The following WDR25 variants were observed in gnomAD, a reference collection of about 807,000 sequenced individuals.
WDR25 encodes the protein WD repeat-containing protein 25.
In WDR25, 35 loss-of-function variants were observed where a neutral mutation model predicts 47.7. The ratio of observed to expected loss-of-function variants is 0.73; its 90% CI spans 0.56 to 0.97. The LOEUF is 0.97. Ranked by LOEUF, WDR25 falls within the 50% of genes least tolerant of loss-of-function variation. The pLI, the probability that WDR25 is intolerant of heterozygous loss-of-function variation, is 0.00. For synonymous variants in WDR25, 248 were observed against 278.9 expected (o/e 0.89, Z 1.10); for missense variants, 634 against 704.7 (o/e 0.90, Z 1.14).
At chr14:100,450,385 C>T (rs752564531) in intron 2 of WDR25, among the ~76,000 whole-genome samples, 29 of 152,216 alleles carry the variant, frequency 1.9e-4, no homozygotes, top group Non-Finnish European at 1.3e-4. Context: ...ATTGTCATCT[C>T]CTAGAGCCAG....
intron 4 of WDR25, among the ~76,000 whole-genome samples, chr14:100,522,852 G>T (rs1205842461): frequency 1.3e-5 from 2 of 152,318 alleles, no homozygotes; most frequent in East Asian, 3.9e-4. Flanking sequence ...GCCAGGAGAG[G>T]CCCCACCCAC....
Position 100,381,396 on chromosome 14 carries a change from G to A in WDR25, c.472G>A (p.Gly158Ser). 1.2e-6 allele frequency: 2 copies of A among 1,614,202 alleles called. No individual in the cohort carries two copies. The highest frequency in any genetic ancestry group is 2.2e-5 in the South Asian group (2 of 91,088). The change falls in exon 2 of 7, where the codon GGT becomes AGT. Residue 158 changes from glycine to serine, a missense_variant. Coordinates refer to ENST00000402312, the MANE Select transcript of WDR25 (RefSeq NM_001161476.3). Reference sequence around the variant, plus strand: ...TGCTCAAAGTGAGTCTGAAACCGTAGGTAAAAATGGCAGCTCTTTTCAGAA... The same window carrying A: ...TGCTCAAAGTGAGTCTGAAACCGTAAGTAAAAATGGCAGCTCTTTTCAGAA... ...FHAQSESETV[G>S]KNGSSFQKKK...
chr14:100,422,629 C>A (rs73343585), intron 2 of WDR25, among the ~76,000 whole-genome samples: 1 of 152,234 alleles, frequency 6.6e-6, no homozygotes, highest in African/African-American at 2.4e-5. Flanking sequence ...CTCTTTGACG[C>A]GACCACATGT....
rs927085115 is a variant in WDR25, at chr14:100,428,381, G to C, written c.823-39640G>C. ...GCCTGGTCAGAGCATGGCGTCTGGA[G>C]TCAGGCGGCCTGGCTACGGGTCTTG... On this transcript the variant is annotated intron_variant, in intron 2 of 6. Transcript: ENST00000402312. This position sits in a 1 kb window ranked among gnomAD's most constrained non-coding sequence, Gnocchi z 4.3. Among the ~76,000 whole-genome samples, 34 of 152,320 alleles carry C rather than the reference G, an allele frequency of 2.2e-4. No homozygotes were observed. The highest frequency in any genetic ancestry group is 7.7e-4 in the African/African-American group (32 of 41,576).
chr14:100,387,158 GAGAAGATC>G (rs1566884136), intron 2 of WDR25, among the ~76,000 whole-genome samples: 1 of 151,994 alleles, frequency 6.6e-6, no homozygotes, highest in Non-Finnish European at 1.5e-5. Context: ...GAGCTGAAAT[GAGAAGATC>G]CAGCCTAGTG....
intron 2 of WDR25, among the ~76,000 whole-genome samples, chr14:100,460,323 A>G (rs1787730784): frequency 6.6e-6 from 1 of 152,038 alleles, no homozygotes; most frequent in East Asian, 1.9e-4. Flanking sequence ...TGCGTTAGCC[A>G]GGATGGTCTT....
Position 100,493,900 on chromosome 14 carries a change from C to T in WDR25, c.1101+9776C>T, listed in dbSNP as rs761921923. The stretch of plus-strand genomic sequence containing the variant: ...CACGAGAGAGATGAATCTCTCTCCA[C>T]CACGTGAGGATATGGTGAGAAGACA... On this transcript the variant is annotated intron_variant, in intron 4 of 6. Coordinates refer to ENST00000402312, the MANE Select transcript of WDR25 (RefSeq NM_001161476.3). Among the ~76,000 whole-genome samples the T allele has an allele frequency of 3.0e-4, 45 of 152,132 alleles. 1 individual carries two copies. The highest frequency in any genetic ancestry group is 5.1e-4 in the Non-Finnish European group (35 of 68,018).
At chr14:100,448,193 CAAAAA>C (rs111428141) in intron 2 of WDR25, among the ~76,000 whole-genome samples, 3 of 110,278 alleles carry the variant, frequency 2.7e-5, no homozygotes, top group Admixed American at 9.7e-5. Flanking sequence ...AACTCCGTCT[CAAAAA>C]AAAAAAAAAA....
intron 2 of WDR25, among the ~76,000 whole-genome samples, chr14:100,464,693 C>G (rs1324654000): frequency 6.9e-6 from 1 of 144,066 alleles, no homozygotes. Context: ...CATCTCCCCT[C>G]CCCATCTCAT....
At chr14:100,380,580 C>T (rs142710711) in intron 1 of WDR25, among the ~76,000 whole-genome samples, 2,770 of 151,792 alleles carry the variant, frequency 0.018, 58 homozygotes, top group African/African-American at 0.051. Flanking sequence ...CTGCAACCTC[C>T]GCCTCCCAGG....
At chr14:100,501,517 G>A (rs1202164248) in intron 4 of WDR25, among the ~76,000 whole-genome samples, 1 of 152,158 alleles carries the variant, frequency 6.6e-6, no homozygotes, top group Non-Finnish European at 1.5e-5. Context: ...CGATAACACC[G>A]GTCATCTCAG....
chr14:100,418,888 C>A (rs946602550), intron 2 of WDR25, among the ~76,000 whole-genome samples: 1 of 151,994 alleles, frequency 6.6e-6, no homozygotes, highest in Non-Finnish European at 1.5e-5. Flanking sequence ...CATTGTCTCA[C>A]CTGAGACCCT....
intron 1 of WDR25, among the ~76,000 whole-genome samples, chr14:100,379,293 T>C (rs979749776): frequency 1.3e-5 from 2 of 152,182 alleles, no homozygotes; most frequent in Non-Finnish European, 2.9e-5. Context: ...GTGTTTAAAC[T>C]TGTAACACAT....
intron 4 of WDR25, among the ~76,000 whole-genome samples, chr14:100,515,047 T>C (rs1901446715): frequency 6.6e-6 from 1 of 152,224 alleles, no homozygotes. Flanking sequence ...ACTAGTTTGC[T>C]CTGTTTCCAA....
chr14:100,379,580 G>A (rs1455497784), intron 1 of WDR25, among the ~76,000 whole-genome samples: 1 of 151,780 alleles, frequency 6.6e-6, no homozygotes, highest in East Asian at 1.9e-4. Context: ...TAGAGACGGG[G>A]CTTTGCCATA....
intron 2 of WDR25, among the ~76,000 whole-genome samples, chr14:100,390,338 G>A (rs1342814934): frequency 6.6e-6 from 1 of 151,284 alleles, no homozygotes; most frequent in African/African-American, 2.4e-5. Context: ...GAGATTTCCT[G>A]CTGCTCATTC....
chr14:100,517,625 C>T (rs1901549206), intron 4 of WDR25, among the ~76,000 whole-genome samples: 1 of 152,114 alleles, frequency 6.6e-6, no homozygotes, highest in Non-Finnish European at 1.5e-5. Context: ...AGGAGGATCA[C>T]CTGAGGTCAG....
At chr14:100,382,126 G>C (rs1304616215) in intron 2 of WDR25, 6 of 703,000 alleles carry the variant, frequency 8.5e-6, no homozygotes, top group Non-Finnish European at 1.3e-5. Context: ...CTGGTGCTGT[G>C]CTGGTTTCAA....
intron 3 of WDR25, among the ~76,000 whole-genome samples, chr14:100,473,628 G>A (rs887424572): frequency 2.0e-5 from 3 of 152,168 alleles, no homozygotes; most frequent in African/African-American, 4.8e-5. Flanking sequence ...GGATGGCCAC[G>A]CTCCAATGAC....
Sources: gnomAD v4.1 joint callset for allele counts (sites outside exome capture counted in the v4.1 genomes callset) on GRCh38, gnomAD v4.1.1 for gene constraint, Gnocchi (gnomAD v3.1) non-coding constraint, MANE v1.5 for transcripts, NCBI Gene and HGNC (gene_info 2026-07-23, HGNC 2026-07-21) for gene names.